The following TTC7A variants were observed in gnomAD, a reference collection of about 807,000 sequenced individuals.
The protein encoded by TTC7A is tetratricopeptide repeat domain 7A.
In TTC7A, 110 loss-of-function variants were observed where a neutral mutation model predicts 103.7. The ratio of observed to expected loss-of-function variants is 1.06; its 90% CI spans 0.91 to 1.24. TTC7A has a LOEUF of 1.24. Among genes scored for constraint, TTC7A ranks in the 50% most tolerant of loss-of-function variants. TTC7A has a pLI of 0.00. For missense variants in TTC7A, 1,340 were observed against 1,116.3 expected (o/e 1.20, Z -2.86); for synonymous variants, 521 against 467.9 (o/e 1.11, Z -1.47).
At chr2:46,925,278 C>G (rs1436518940) in intron 2 of TTC7A, among the ~76,000 whole-genome samples, 2 of 152,192 alleles carry the variant, frequency 1.3e-5, no homozygotes, top group African/African-American at 4.8e-5. Flanking sequence ...ATATGTTGAG[C>G]TGGGTGCAGT....
At chr2:46,939,209 C>T (rs1407630828), upstream of TTC7A, among the ~76,000 whole-genome samples, 3 of 152,088 alleles carry the variant, frequency 2.0e-5, no homozygotes, top group Non-Finnish European at 4.4e-5. Flanking sequence ...ACTGACCCAT[C>T]TAAACCTCTA....
intron 8 of TTC7A, among the ~76,000 whole-genome samples, chr2:46,997,231 A>G (rs1240560657): frequency 6.6e-6 from 1 of 152,040 alleles, no homozygotes. Flanking sequence ...CACCTGCCTC[A>G]GCCTCCCAAA....
intron 2 of TTC7A, among the ~76,000 whole-genome samples, chr2:46,934,819 T>TTTTTTTTTTTTTG (rs1669892144): frequency 1.1e-5 from 1 of 92,390 alleles, no homozygotes; most frequent in African/African-American, 4.6e-5. Flanking sequence ...TTTTTTTTTT[T>TTTTTTTTTTTTTG]GAGACTGAGT....
chr2:46,943,541 T>C (rs114881906), intron 1 of TTC7A, among the ~76,000 whole-genome samples: 1,529 of 152,238 alleles, frequency 0.01, 8 homozygotes, highest in South Asian at 0.017. Flanking sequence ...CTGGGACACA[T>C]AGTCATACAT....
chr2:47,073,833 C>G lies in TTC7A; in HGVS notation c.2487C>G (p.Asn829Lys). The change falls in exon 20 of 20, where the codon AAC becomes AAG. Residue 829 changes from asparagine (N) to lysine (K), a missense_variant. Transcript: ENST00000319190. Reference protein sequence around the residue: ...LGEVLQAQGQNEAAVDCFLTA... With the variant: ...LGEVLQAQGQKEAAVDCFLTA... ...AGGTGCTGCAGGCCCAGGGCCAGAA[C>G]GAGGCTGCCGTTGACTGCTTCCTCA... 1 of 1,613,682 alleles carries G rather than the reference C, an allele frequency of 6.2e-7. No individual in the cohort carries two copies. Among genetic ancestry groups the G allele is most frequent in the Non-Finnish European group, 8.5e-7 (1 of 1,180,010 alleles).
intron 3 of TTC7A, chr2:46,958,395 C>T (rs1672075186): frequency 2.1e-6 from 2 of 935,830 alleles, no homozygotes; most frequent in South Asian, 1.4e-5. Context: ...CATGGACGCC[C>T]TGAGCGGAAC....
intron 19 of TTC7A, among the ~76,000 whole-genome samples, chr2:47,061,424 T>C (rs140555364): frequency 6.6e-6 from 1 of 152,212 alleles, no homozygotes; most frequent in East Asian, 1.9e-4. Flanking sequence ...CACATCTCTT[T>C]GGTGGGATTC....
intron 2 of TTC7A, among the ~76,000 whole-genome samples, chr2:46,932,078 T>C (rs933059704): frequency 2.0e-5 from 3 of 152,010 alleles, no homozygotes; most frequent in Non-Finnish European, 4.4e-5. Context: ...AAAAAACCTT[T>C]AACAAACTAG....
intron 15 of TTC7A, among the ~76,000 whole-genome samples, chr2:47,039,466 A>G (rs886451161): frequency 6.6e-6 from 1 of 152,188 alleles, no homozygotes; most frequent in Non-Finnish European, 1.5e-5. Context: ...GCCCCCAGGT[A>G]AGGGGATGGA....
chr2:46,976,172 A>C (rs1673858426), intron 4 of TTC7A, among the ~76,000 whole-genome samples: 1 of 152,254 alleles, frequency 6.6e-6, no homozygotes, highest in African/African-American at 2.4e-5. Flanking sequence ...ACACAGCTCC[A>C]AGCACTTTAC....
chr2:47,053,167 T>C (rs1160360697), intron 18 of TTC7A, among the ~76,000 whole-genome samples: 1 of 152,012 alleles, frequency 6.6e-6, no homozygotes. Flanking sequence ...TCCCTTCGGA[T>C]GCTGGGGGTG....
intron 2 of TTC7A, among the ~76,000 whole-genome samples, chr2:46,919,785 A>G (rs569426113): frequency 3.3e-5 from 5 of 152,346 alleles, no homozygotes; most frequent in African/African-American, 1.2e-4. Flanking sequence ...AGATTCTCCA[A>G]CTGAGAACTT....
chr2:46,977,123 G>T (rs1453244852), intron 4 of TTC7A, among the ~76,000 whole-genome samples: 1 of 152,202 alleles, frequency 6.6e-6, no homozygotes, highest in Non-Finnish European at 1.5e-5. Flanking sequence ...AGGGGATTAA[G>T]GCGATGAGCT....
intron 5 of TTC7A, among the ~76,000 whole-genome samples, chr2:46,982,449 G>A (rs1313355864): frequency 1.3e-5 from 2 of 152,098 alleles, no homozygotes; most frequent in Non-Finnish European, 2.9e-5. Flanking sequence ...CCTCATGCCT[G>A]GCAGACAGGA....
upstream of TTC7A, chr2:46,941,073 G>C (rs1200100702): frequency 6.7e-6 from 1 of 149,752 alleles, no homozygotes; most frequent in Admixed American, 6.7e-5. The surrounding 1 kb of genome is among the most constrained non-coding windows in gnomAD (Gnocchi z 4.2). Flanking sequence ...TACCCGGGCG[G>C]CCGCGAGCGC....
intron 1 of TTC7A, among the ~76,000 whole-genome samples, chr2:46,946,577 C>G (rs1670959400): frequency 6.6e-6 from 1 of 152,146 alleles, no homozygotes; most frequent in African/African-American, 2.4e-5. Flanking sequence ...GCGTGTACCT[C>G]TAACATCAGC....
intron 2 of TTC7A, among the ~76,000 whole-genome samples, chr2:46,950,900 A>T (rs1042366930): frequency 1.6e-4 from 24 of 152,252 alleles, no homozygotes; most frequent in Non-Finnish European, 3.1e-4. Flanking sequence ...TGACTAAAAA[A>T]AATCTTAGTA....
intron 18 of TTC7A, among the ~76,000 whole-genome samples, chr2:47,057,074 C>T (rs1438835346): frequency 1.3e-5 from 2 of 152,236 alleles, no homozygotes; most frequent in Non-Finnish European, 2.9e-5. Flanking sequence ...GATGCGGCGC[C>T]CCAGGGCTAC....
intron 5 of TTC7A, among the ~76,000 whole-genome samples, chr2:46,979,231 A>G (rs1000887450): frequency 1.3e-5 from 2 of 152,098 alleles, no homozygotes; most frequent in Admixed American, 6.6e-5. Context: ...AAAGCAAAGG[A>G]CAGTGAGCTG....
Sources: gnomAD v4.1 joint callset for allele counts (sites outside exome capture counted in the v4.1 genomes callset) on GRCh38, gnomAD v4.1.1 for gene constraint, Gnocchi (gnomAD v3.1) non-coding constraint, MANE v1.5 for transcripts, NCBI Gene and HGNC (gene_info 2026-07-23, HGNC 2026-07-21) for gene names.